TCF12: variants seen among roughly 807,000 people sequenced by gnomAD.
TCF12 encodes DNA-binding protein HTF4.
TCF12 carries 45 observed loss-of-function variants against 86.0 expected under a neutral mutation model. That is an observed-to-expected ratio of 0.52 (90% CI 0.41 to 0.67). The LOEUF (loss-of-function observed/expected upper bound fraction) is 0.67. Among genes scored for constraint, TCF12 ranks in the 30% least tolerant of loss-of-function variants. TCF12 has a pLI of 0.00. For missense variants in TCF12, 881 were observed against 859.9 expected (o/e 1.02, Z -0.31); for synonymous variants, 330 against 299.6 (o/e 1.10, Z -1.05).
Position 57,159,857 on chromosome 15 carries a change from T to A in TCF12, c.326-6545T>A, listed in dbSNP as rs149668177. Among the ~76,000 whole-genome samples, 1,147 of 152,354 alleles carry A rather than the reference T, an allele frequency of 7.5e-3. 15 individuals are homozygous for A. The highest frequency in any genetic ancestry group is 0.026 in the African/African-American group (1,099 of 41,592). ...ATAGAGAAGCTATTCTATTTTGTACTGTTGTGAAGGCAACAATTGTTTCTT... is the reference window on the plus strand; with the variant it reads ...ATAGAGAAGCTATTCTATTTTGTACAGTTGTGAAGGCAACAATTGTTTCTT... On this transcript the variant is annotated intron_variant, in intron 5 of 20. Coordinates refer to ENST00000333725, the MANE Select transcript of TCF12 (RefSeq NM_207037.2).
At chr15:57,257,972 A>G (rs2060426430) in intron 16 of TCF12, among the ~76,000 whole-genome samples, 1 of 152,234 alleles carries the variant, frequency 6.6e-6, no homozygotes, top group Non-Finnish European at 1.5e-5. Context: ...GAGAAGAAGG[A>G]AAATTTTTTA....
intron 3 of TCF12, among the ~76,000 whole-genome samples, chr15:56,935,342 G>A (rs147659159): frequency 7.5e-4 from 114 of 152,254 alleles, no homozygotes; most frequent in African/African-American, 2.7e-3. Context: ...AGATCAGGGT[G>A]CCAGCATGGT....
chr15:57,133,777 A>T (rs2052322754), intron 5 of TCF12, among the ~76,000 whole-genome samples: 1 of 152,180 alleles, frequency 6.6e-6, no homozygotes. Context: ...AAAGGTAGTC[A>T]TTCTCCATCA....
Position 57,232,714 on chromosome 15 carries a change from T to C in TCF12, c.828T>C (p.Ser276=). ...YGNLHSHDRL[S]YPPHSVSPTD... The stretch of plus-strand genomic sequence containing the variant: ...AGATCATATCTCTTTCCATCTAGAG[T>C]TATCCTCCACACTCAGTTTCACCAA... The change falls in exon 11 of 21, where the codon AGT becomes AGC. Residue 276 remains serine (S), a splice_region_variant and synonymous_variant. Transcript: ENST00000333725. 6.2e-7 allele frequency: 1 copy of C among 1,610,970 alleles called. No individual in the cohort carries two copies. Among genetic ancestry groups the C allele is most frequent in the South Asian group, 1.1e-5 (1 of 90,778 alleles).
At chr15:57,011,507 T>A (rs2064829183) in intron 3 of TCF12, among the ~76,000 whole-genome samples, 1 of 152,194 alleles carries the variant, frequency 6.6e-6, no homozygotes, top group Non-Finnish European at 1.5e-5. Flanking sequence ...TGTAAATTCC[T>A]CAGCCTCAGG....
At chr15:57,048,450 G>A (rs1567317522) in intron 3 of TCF12, among the ~76,000 whole-genome samples, 1 of 151,904 alleles carries the variant, frequency 6.6e-6, no homozygotes, top group Non-Finnish European at 1.5e-5. Context: ...TTTAGTAGGG[G>A]CGGGGTTTCA....
intron 3 of TCF12, among the ~76,000 whole-genome samples, chr15:56,968,681 C>G (rs2062132345): frequency 1.3e-5 from 2 of 152,150 alleles, no homozygotes; most frequent in Non-Finnish European, 2.9e-5. Context: ...TTCGTGAACC[C>G]CAAATATCTG....
chr15:57,050,161 C>T (rs983863244), intron 3 of TCF12, among the ~76,000 whole-genome samples: 7 of 152,124 alleles, frequency 4.6e-5, no homozygotes, highest in African/African-American at 1.7e-4. Context: ...TTCAAAACAA[C>T]TGTAGTTTCT....
chr15:57,111,586 C>CTTTTT (rs1166862090), intron 5 of TCF12, among the ~76,000 whole-genome samples: 2 of 115,466 alleles, frequency 1.7e-5, no homozygotes, highest in African/African-American at 3.3e-5. Context: ...GTTTGTTTAT[C>CTTTTT]TTTTTTTTTT....
intron 2 of TCF12, among the ~76,000 whole-genome samples, chr15:56,920,641 A>G (rs1157650578): frequency 6.6e-6 from 1 of 152,082 alleles, no homozygotes; most frequent in Non-Finnish European, 1.5e-5. Context: ...TGCTTTATAC[A>G]ATTCAGTTAT....
chr15:57,042,858 G>A (rs1012331961), intron 3 of TCF12, among the ~76,000 whole-genome samples: 2 of 152,096 alleles, frequency 1.3e-5, no homozygotes, highest in Admixed American at 1.3e-4. Context: ...TTTTACAGCA[G>A]ATCTTTAGTA....
chr15:57,040,227 G>C (rs1310558421), intron 3 of TCF12, among the ~76,000 whole-genome samples: 1 of 152,150 alleles, frequency 6.6e-6, no homozygotes, highest in African/African-American at 2.4e-5. Flanking sequence ...AAAGAGCAAA[G>C]ATTCTGAACC....
chr15:57,103,153 G>A (rs75012843), intron 5 of TCF12, among the ~76,000 whole-genome samples: 35 of 152,274 alleles, frequency 2.3e-4, no homozygotes, highest in African/African-American at 8.4e-4. Flanking sequence ...GTGAAAATCG[G>A]TACTGCCCAA....
chr15:57,077,414 G>A (rs1327363017), intron 4 of TCF12, among the ~76,000 whole-genome samples: 1 of 139,724 alleles, frequency 7.2e-6, no homozygotes, highest in African/African-American at 2.7e-5. Context: ...TTGCTCTGGC[G>A]CCCAGGCTGG....
chr15:57,019,023 G>A (rs888566838), intron 3 of TCF12, among the ~76,000 whole-genome samples: 9 of 152,150 alleles, frequency 5.9e-5, no homozygotes, highest in African/African-American at 2.2e-4. Context: ...TGGTAAGAAA[G>A]TCAAGCCAAA....
intron 4 of TCF12, among the ~76,000 whole-genome samples, chr15:57,076,856 T>C (rs1170281568): frequency 6.6e-6 from 1 of 152,132 alleles, no homozygotes; most frequent in Admixed American, 6.5e-5. Context: ...AGGTCAACGT[T>C]AATTTTTTTT....
intron 3 of TCF12, among the ~76,000 whole-genome samples, chr15:56,932,267 G>C (rs2060279217): frequency 6.6e-6 from 1 of 152,136 alleles, no homozygotes; most frequent in African/African-American, 2.4e-5. Context: ...TAGGAAGTTG[G>C]TAACTGTTCA....
At chr15:56,949,561 G>C (rs542709134) in intron 3 of TCF12, among the ~76,000 whole-genome samples, 8 of 152,348 alleles carry the variant, frequency 5.3e-5, no homozygotes, top group African/African-American at 1.7e-4. Flanking sequence ...TCTTGGAAGA[G>C]AAAAACAGTG....
At chr15:57,021,550 G>T (rs1176400104) in intron 3 of TCF12, among the ~76,000 whole-genome samples, 1 of 152,208 alleles carries the variant, frequency 6.6e-6, no homozygotes, top group Non-Finnish European at 1.5e-5. Context: ...ACATGCCTCA[G>T]AATCTGTCTT....
Sources: gnomAD v4.1 joint callset for allele counts (sites outside exome capture counted in the v4.1 genomes callset) on GRCh38, gnomAD v4.1.1 for gene constraint, MANE v1.5 for transcripts, NCBI Gene and HGNC (gene_info 2026-07-23, HGNC 2026-07-21) for gene names.